The following DMD variants were observed in gnomAD, a reference collection of about 807,000 sequenced individuals.
DMD encodes the protein dystrophin, also known as mutant dystrophin.
In DMD, 63 loss-of-function variants were observed where a neutral mutation model predicts 330.1. The observed-to-expected ratio is 0.19, with a 90% CI of 0.16 to 0.24. The LOEUF (loss-of-function observed/expected upper bound fraction) is 0.24, where lower values mean the gene tolerates loss of function less well. Among genes scored for constraint, DMD ranks in the 10% least tolerant of loss-of-function variants. DMD has a pLI of 1.00. For synonymous variants in DMD, 1,223 were observed against 959.8 expected (o/e 1.27, Z -5.07); for missense variants, 3,344 against 2,684.1 (o/e 1.25, Z -5.43).
intron 44 of DMD, among the ~76,000 whole-genome samples, chrX:32,046,751 T>C (rs1355073579): frequency 1.8e-5 from 2 of 111,768 alleles, no homozygotes; most frequent in African/African-American, 6.5e-5. Flanking sequence ...AAAAATTATG[T>C]TTATTACACT....
intron 60 of DMD, among the ~76,000 whole-genome samples, chrX:31,389,879 G>A: frequency 8.9e-6 from 1 of 111,978 alleles, no homozygotes; most frequent in Non-Finnish European, 1.9e-5. Context: ...TCCTTCTTCA[G>A]CTAATGGAAT....
chrX:31,406,786 C>T (rs1289783787), intron 60 of DMD, among the ~76,000 whole-genome samples: 1 of 110,903 alleles, frequency 9.0e-6, no homozygotes, highest in Non-Finnish European at 1.9e-5. Flanking sequence ...TCCTATACCG[C>T]CTTTTCATAA....
chrX:32,154,605 T>C (rs1420661844), intron 44 of DMD, among the ~76,000 whole-genome samples: 1 of 111,749 alleles, frequency 8.9e-6, no homozygotes, highest in East Asian at 2.8e-4. Context: ...GGCAGCTATG[T>C]ATATATAAAC....
chrX:31,135,866 A>T (rs1315111703), intron 76 of DMD, among the ~76,000 whole-genome samples: 1 of 112,568 alleles, frequency 8.9e-6, no homozygotes, highest in Non-Finnish European at 1.9e-5. Flanking sequence ...TTAATTAGGG[A>T]CAACCTCAGG....
chrX:33,009,648 GTGTGTATACGTGTATA>G lies in DMD; in HGVS notation c.93+10475_93+10490del, dbSNP rs199807718. Among the ~76,000 whole-genome samples, 13 of 55,178 alleles carry G rather than the reference GTGTGTATACGTGTATA, an allele frequency of 2.4e-4. 2 individuals carry two copies. The highest frequency in any genetic ancestry group is 1.2e-3 in the Admixed American group (6 of 5,167). The allele number at this position is 55,178 out of a possible 115,157, so 47.9% of individuals were successfully genotyped here. A position where few individuals can be genotyped will look rare whatever the true frequency, so the allele number is the denominator to read the frequency against. On this transcript the variant is annotated intron_variant, in intron 2 of 78. Coordinates refer to ENST00000357033, the MANE Select transcript of DMD (RefSeq NM_004006.3). ...TGTGTGTATGTGTATATACACATAT[GTGTGTATACGTGTATA>G]TGTGTATACGTATATGTGTATATGC...
intron 9 of DMD, among the ~76,000 whole-genome samples, chrX:32,690,252 C>A (rs773789272): frequency 6.3e-5 from 7 of 110,764 alleles, no homozygotes; most frequent in Non-Finnish European, 1.1e-4. Context: ...TTCTAGGAGA[C>A]AAATTCCATT....
At chrX:31,521,081 A>G (rs953011187) in intron 55 of DMD, among the ~76,000 whole-genome samples, 41 of 111,994 alleles carry the variant, frequency 3.7e-4, no homozygotes, top group African/African-American at 1.3e-3. Flanking sequence ...ATGACATGTT[A>G]TATAAGTCTT....
At chrX:32,778,789 T>C (rs1162270884) in intron 7 of DMD, among the ~76,000 whole-genome samples, 1 of 111,466 alleles carries the variant, frequency 9.0e-6, no homozygotes, top group Non-Finnish European at 1.9e-5. Context: ...GGTGACTACA[T>C]AGTGTGCACT....
intron 44 of DMD, among the ~76,000 whole-genome samples, chrX:32,197,504 A>C (rs1268656443): frequency 1.8e-5 from 2 of 111,585 alleles, no homozygotes; most frequent in African/African-American, 6.5e-5. Context: ...TTGACTTAAG[A>C]TATAGTTGGT....
At position 31,737,608 on chromosome X, in the gene DMD, G is replaced by T. The variant is rs2086968969; in HGVS notation, c.7543-7860C>A. On this transcript the variant is annotated intron_variant, in intron 51 of 78. Transcript: ENST00000357033. ...TGATGCCTCCCAACACAAGGACCAA[G>T]CCAATAGACAAGCAAGCCCAATGCT... Among the ~76,000 whole-genome samples, 3 of 112,270 alleles carry T rather than the reference G, an allele frequency of 2.7e-5. No individual in the cohort carries two copies. In the South Asian group the frequency reaches 1.1e-3, roughly 41 times the overall value.
At chrX:33,284,333 T>C in intron 1 of DMD, among the ~76,000 whole-genome samples, 3 of 110,728 alleles carry the variant, frequency 2.7e-5, no homozygotes, top group Middle Eastern at 9.6e-3. Context: ...AGCAATCAGG[T>C]TTTTCTCAAC....
At chrX:31,621,873 T>C (rs1424381700) in intron 55 of DMD, among the ~76,000 whole-genome samples, 1 of 112,114 alleles carries the variant, frequency 8.9e-6, no homozygotes, top group Non-Finnish European at 1.9e-5. Flanking sequence ...GTGTTTCCTC[T>C]ATCACGAATG....
chrX:33,229,554 A>G (rs1047056709), intron 1 of DMD, among the ~76,000 whole-genome samples: 1 of 111,859 alleles, frequency 8.9e-6, no homozygotes, highest in Non-Finnish European at 1.9e-5. Context: ...AACTTTTTAA[A>G]AAATGAGTTT....
chrX:33,223,502 T>G (rs1309450821), intron 1 of DMD, among the ~76,000 whole-genome samples: 2 of 112,207 alleles, frequency 1.8e-5, no homozygotes, highest in East Asian at 5.6e-4. Context: ...TGATGTTTGA[T>G]AACGGAGCAA....
At chrX:31,666,469 T>C (rs777921947) in intron 53 of DMD, among the ~76,000 whole-genome samples, 8 of 112,245 alleles carry the variant, frequency 7.1e-5, no homozygotes, top group South Asian at 3.7e-4. Flanking sequence ...ATTAAGCCTC[T>C]AGATTTGAGG....
intron 53 of DMD, among the ~76,000 whole-genome samples, chrX:31,660,601 A>C (rs2081069489): frequency 8.9e-6 from 1 of 112,040 alleles, no homozygotes; most frequent in Non-Finnish European, 1.9e-5. Context: ...TTTTTTTCAA[A>C]TGAATTCCTT....
chrX:32,799,705 AATC>A (rs1329021920), intron 7 of DMD, among the ~76,000 whole-genome samples: 1 of 110,204 alleles, frequency 9.1e-6, no homozygotes, highest in Non-Finnish European at 1.9e-5. Flanking sequence ...CTTACAGAGA[AATC>A]ATAACGGGAA....
chrX:32,588,533 T>C (rs2054538534), intron 13 of DMD, among the ~76,000 whole-genome samples: 1 of 111,551 alleles, frequency 9.0e-6, no homozygotes, highest in Non-Finnish European at 1.9e-5. Flanking sequence ...TAGAGACTGG[T>C]AGGAGTCAGG....
chrX:32,833,618 T>C (rs1439446285), intron 4 of DMD, among the ~76,000 whole-genome samples: 1 of 106,175 alleles, frequency 9.4e-6, no homozygotes, highest in Non-Finnish European at 1.9e-5. Context: ...CAATATAGGA[T>C]GTAACTTTAA....
Sources: allele counts gnomAD v4.1 joint callset (sites outside exome capture counted in the v4.1 genomes callset), GRCh38; gene constraint gnomAD v4.1.1; transcripts MANE v1.5; gene names NCBI Gene and HGNC (gene_info 2026-07-23, HGNC 2026-07-21).